The following OTULIN variants were observed in gnomAD, a reference collection of about 807,000 sequenced individuals.
OTULIN encodes OTU deubiquitinase with linear linkage specificity.
In OTULIN, 15 loss-of-function variants were observed where a neutral mutation model predicts 39.6. The ratio of observed to expected loss-of-function variants is 0.38; its 90% CI spans 0.25 to 0.58. The LOEUF is 0.58. Among genes scored for constraint, OTULIN ranks in the 20% least tolerant of loss-of-function variants. OTULIN has a pLI of 0.66. For missense variants in OTULIN, 319 were observed against 445.9 expected (o/e 0.72, Z 2.56); for synonymous variants, 156 against 170.3 (o/e 0.92, Z 0.65).
At chr5:14,713,384 A>G in the OTULIN span, among the ~76,000 whole-genome samples, 1 of 152,200 alleles carries the variant, frequency 6.6e-6, no homozygotes. This position sits in a 1 kb window ranked among gnomAD's most constrained non-coding sequence, Gnocchi z 4.4. Context: ...GGATCCCAAG[A>G]GCCTCCACCT....
At chr5:14,689,937 C>CA (rs1736482329) in intron 5 of OTULIN, 102 bp from the exon 6 acceptor site, 1 of 1,229,256 alleles carries the variant, frequency 8.1e-7, no homozygotes, top group African/African-American at 1.5e-5. Flanking sequence ...GGTAAGTGAC[C>CA]CATGGTCACT....
rs916891139 is a variant in OTULIN at position 14,690,390 on chromosome 5, C to G, written c.864+82C>G. On this transcript the variant is annotated intron_variant, in intron 6 of 6. Coordinates refer to ENST00000284274, the MANE Select transcript of OTULIN (RefSeq NM_138348.6). This position sits in a 1 kb window ranked among gnomAD's most constrained non-coding sequence, Gnocchi z 4.5. The stretch of plus-strand genomic sequence containing the variant: ...ACTTGATGTCACAGTTTTTGTAGGT[C>G]AGAAATTCAGGGACAGCTTAGTTGG... The G allele has an allele frequency of 1.3e-6, 2 of 1,507,246 alleles. No individual in the cohort carries two copies. Among genetic ancestry groups the G allele is most frequent in the Non-Finnish European group, 1.8e-6 (2 of 1,117,516 alleles). The allele number at this position is 1,507,246 out of a possible 1,614,324, so 93.4% of individuals were successfully genotyped here.
At chr5:14,703,537 C>T (rs911225226), downstream of OTULIN, among the ~76,000 whole-genome samples, 3 of 151,942 alleles carry the variant, frequency 2.0e-5, no homozygotes, top group Admixed American at 1.3e-4. Context: ...GAGGAGGTTT[C>T]CAGGTGGGAG....
At position 14,697,467 on chromosome 5, in the gene OTULIN, G is replaced by A. The variant is rs1006948445; in HGVS notation, c.*4419G>A. On this transcript the variant is annotated 3_prime_UTR_variant, in exon 7 of 7. Transcript: ENST00000284274. Reference sequence around the variant, plus strand: ...GCTGAGATTACAGGCGTGAACTACCGCGCCTGGCCCCATGTATTGTATTTT... The same window carrying A: ...GCTGAGATTACAGGCGTGAACTACCACGCCTGGCCCCATGTATTGTATTTT... 4 of 152,104 alleles carry A rather than the reference G, an allele frequency of 2.6e-5. No individual in the cohort carries two copies. Among genetic ancestry groups the A allele is most frequent in the Non-Finnish European group, 5.9e-5 (4 of 68,016 alleles). 9.4% of individuals were successfully genotyped at this position (152,104 alleles called of 1,614,324 possible).
intron 6 of OTULIN, 88 bp from the exon 7 acceptor site, chr5:14,692,766 G>A (rs1736563291): frequency 4.3e-6 from 5 of 1,153,706 alleles, no homozygotes; most frequent in East Asian, 2.4e-5. Context: ...CCATTGCTGT[G>A]CACTGTGGGA....
chr5:14,674,387 C>T (rs1031794124), intron 2 of OTULIN, among the ~76,000 whole-genome samples: 3 of 152,230 alleles, frequency 2.0e-5, no homozygotes, highest in African/African-American at 7.2e-5. Flanking sequence ...CGTGAATAAT[C>T]ACAAGTGGCA....
rs1320936387 is a variant in OTULIN at position 14,687,730 on chromosome 5, CAG to C, written c.594+85_594+86del. Reference sequence around the variant, plus strand: ...AGAAGACCAGTTTTTAGTCTTCACTCAGTGGATTTTCAAATGCTCTTGGCTGA... The same window carrying C: ...AGAAGACCAGTTTTTAGTCTTCACTCTGGATTTTCAAATGCTCTTGGCTGA... On this transcript the variant is annotated intron_variant, in intron 5 of 6. Transcript: ENST00000284274. 4.8e-6 allele frequency: 7 copies of C among 1,464,540 alleles called. No individual in the cohort carries two copies. The East Asian group carries it at 1.7e-4, about 35-fold the overall frequency. 90.7% of individuals were successfully genotyped at this position (1,464,540 alleles called of 1,614,324 possible). A position where few individuals can be genotyped will look rare whatever the true frequency, so the allele number is the denominator to read the frequency against.
At position 14,681,552 on chromosome 5, in the gene OTULIN, C is replaced by T. The variant is rs1474506770; in HGVS notation, c.413C>T (p.Ala138Val). The T allele has an allele frequency of 6.2e-7, 1 of 1,614,012 alleles. No homozygotes were observed. Among genetic ancestry groups the T allele is most frequent in the African/African-American group, 1.3e-5 (1 of 74,948 alleles). ...GCACTGAGGGCCACGCTGTTCCAGG[C>T]CATGAGCCAGGCTGTGGGGCTGCCG... ...YCALRATLFQ[A>V]MSQAVGLPPW... Residue 138 changes from alanine (A) to valine (V), a missense_variant, in exon 4 of 7, where the codon GCC becomes GTC. Transcript: ENST00000284274.
chr5:14,704,934 CCAT>C, the OTULIN span: 4 of 152,172 alleles, frequency 2.6e-5, no homozygotes, highest in Non-Finnish European at 5.9e-5. Context: ...GCAAAAACTT[CCAT>C]CTGTTAGATA....
At position 14,696,311 on chromosome 5, in the gene OTULIN, GT is replaced by G. The variant is rs985670354; in HGVS notation, c.*3265del. ...TGTCTTCTTCAGATACTAAAGTACA[GT>G]TGGATCATTTTCTTATCTCCTTTTC... On this transcript the variant is annotated 3_prime_UTR_variant, in exon 7 of 7. Transcript: ENST00000284274. 1 of 152,216 alleles carries G rather than the reference GT, an allele frequency of 6.6e-6. No individual in the cohort carries two copies. The highest frequency in any genetic ancestry group is 2.4e-5 in the African/African-American group (1 of 41,450). 9.4% of individuals were successfully genotyped at this position (152,216 alleles called of 1,614,324 possible).
intron 1 of OTULIN, among the ~76,000 whole-genome samples, chr5:14,671,376 G>T (rs1735974296): frequency 1.3e-5 from 2 of 152,332 alleles, no homozygotes; most frequent in Admixed American, 6.5e-5. Flanking sequence ...TCATTTTGAA[G>T]ATGAGAAAAC....
chr5:14,711,137 G>A, the OTULIN span: 1 of 1,349,646 alleles, frequency 7.4e-7, no homozygotes, highest in Non-Finnish European at 1.1e-6. Flanking sequence ...AGAGGGAAGA[G>A]ATGATGCCGA....
At chr5:14,710,867 TG>T in the OTULIN span, 1 of 367,168 alleles carries the variant, frequency 2.7e-6, no homozygotes, top group Non-Finnish European at 5.2e-6. Context: ...TGCAGTCCTT[TG>T]GTTCCAAGAG....
chr5:14,714,136 G>A, the OTULIN span, among the ~76,000 whole-genome samples: 1 of 152,254 alleles, frequency 6.6e-6, no homozygotes, highest in Admixed American at 6.5e-5. Context: ...GGTAGGAGGA[G>A]GAAGCTGCTC....
chr5:14,711,404 A>AC, the OTULIN span: 29 of 1,082,646 alleles, frequency 2.7e-5, no homozygotes, highest in East Asian at 5.7e-4. Context: ...GTCTTGGGGG[A>AC]CCCCTCACTG....
At chr5:14,705,389 G>C in the OTULIN span, 4 of 152,232 alleles carry the variant, frequency 2.6e-5, no homozygotes, top group East Asian at 7.7e-4. Context: ...CTAAATCCTA[G>C]ATCATAAACA....
chr5:14,714,966 G>A, the OTULIN span, among the ~76,000 whole-genome samples: 1 of 152,218 alleles, frequency 6.6e-6, no homozygotes, highest in Non-Finnish European at 1.5e-5. Context: ...ACCTTCCAGA[G>A]CTTGGTTCGC....
the OTULIN span, chr5:14,713,439 C>G: frequency 3.4e-6 from 5 of 1,485,970 alleles, no homozygotes; most frequent in African/African-American, 1.4e-5. This position sits in a 1 kb window ranked among gnomAD's most constrained non-coding sequence, Gnocchi z 4.4. Context: ...ATTTCCGATT[C>G]TAGACGTGCC....
the OTULIN span, chr5:14,712,770 C>A: frequency 4.4e-6 from 5 of 1,131,956 alleles, no homozygotes; most frequent in Non-Finnish European, 6.5e-6. Flanking sequence ...ACCAAGGATC[C>A]CCCACTGACG....
Sources: allele counts gnomAD v4.1 joint callset (sites outside exome capture counted in the v4.1 genomes callset), GRCh38; gene constraint gnomAD v4.1.1; non-coding constraint Gnocchi (gnomAD v3.1); transcripts MANE v1.5; gene names NCBI Gene and HGNC (gene_info 2026-07-23, HGNC 2026-07-21).